The following BBX variants were observed in gnomAD, a reference collection of about 807,000 sequenced individuals.
BBX encodes BBX high mobility group box domain containing.
Under a neutral mutation model 100.2 loss-of-function variants are expected in BBX, and 30 were observed. The observed-to-expected ratio is 0.30, with a 90% CI of 0.22 to 0.41. The LOEUF is 0.41. BBX is among the 10% of genes least tolerant of loss of function. The pLI, the probability that BBX is intolerant of heterozygous loss-of-function variation, is 1.00. For missense variants in BBX, 1,023 were observed against 1,129.8 expected (o/e 0.91, Z 1.35); for synonymous variants, 376 against 388.1 (o/e 0.97, Z 0.37).
At chr3:107,719,383 AAG>A (rs2062360788) in intron 5 of BBX, among the ~76,000 whole-genome samples, 1 of 151,974 alleles carries the variant, frequency 6.6e-6, no homozygotes, top group African/African-American at 2.4e-5. Context: ...TTGTTTTTAA[AAG>A]AAGTATATTT....
chr3:107,697,788 C>T (rs1031455567), intron 3 of BBX, among the ~76,000 whole-genome samples: 27 of 151,946 alleles, frequency 1.8e-4, no homozygotes, highest in Admixed American at 6.5e-4. Context: ...GGGCGCCCCT[C>T]CCCCAGCCTC....
intron 2 of BBX, among the ~76,000 whole-genome samples, chr3:107,529,268 T>G (rs2047991351): frequency 1.3e-5 from 2 of 152,238 alleles, no homozygotes; most frequent in Non-Finnish European, 2.9e-5. Context: ...AGGAAGATGC[T>G]TTTCTTGAAC....
intron 2 of BBX, among the ~76,000 whole-genome samples, chr3:107,528,643 A>G (rs912074543): frequency 1.3e-5 from 2 of 152,246 alleles, no homozygotes; most frequent in African/African-American, 4.8e-5. Context: ...ATTCATGTAG[A>G]CATTGAATTT....
At chr3:107,669,635 CTATAGTTATCT>C (rs1302084263) in intron 3 of BBX, among the ~76,000 whole-genome samples, 3 of 152,008 alleles carry the variant, frequency 2.0e-5, no homozygotes, top group Non-Finnish European at 4.4e-5. Context: ...TTAGAAACTG[CTATAGTTATCT>C]CTTGGGTTGA....
At chr3:107,634,910 T>C (rs1207844566) in intron 2 of BBX, among the ~76,000 whole-genome samples, 1 of 152,228 alleles carries the variant, frequency 6.6e-6, no homozygotes, top group Non-Finnish European at 1.5e-5. Flanking sequence ...TTGTCTGGAA[T>C]CTGAGTAATG....
intron 4 of BBX, 71 bp from the exon 5 acceptor site, chr3:107,716,536 C>G (rs1296364166): frequency 5.1e-6 from 8 of 1,553,934 alleles, no homozygotes; most frequent in Non-Finnish European, 7.0e-6. Flanking sequence ...AATTTGCAAA[C>G]CAAGACTAAC....
chr3:107,698,094 A>T (rs976094262), intron 3 of BBX, among the ~76,000 whole-genome samples: 1 of 151,562 alleles, frequency 6.6e-6, no homozygotes, highest in Non-Finnish European at 1.5e-5. Context: ...GCGCCCACTG[A>T]ATGGCACTCC....
intron 3 of BBX, among the ~76,000 whole-genome samples, chr3:107,709,710 G>C (rs1206933909): frequency 6.6e-6 from 1 of 152,218 alleles, no homozygotes; most frequent in East Asian, 1.9e-4. Flanking sequence ...ACATGATGGA[G>C]AGGGCAAACC....
chr3:107,753,776 A>G (rs917673211), intron 9 of BBX, among the ~76,000 whole-genome samples: 2 of 152,232 alleles, frequency 1.3e-5, no homozygotes, highest in African/African-American at 4.8e-5. Context: ...GTGGTCCTTC[A>G]GTAATTCTTG....
At chr3:107,543,139 ATAACT>A (rs1339475233) in intron 2 of BBX, among the ~76,000 whole-genome samples, 1 of 152,238 alleles carries the variant, frequency 6.6e-6, no homozygotes, top group Non-Finnish European at 1.5e-5. Context: ...TTGGATTCAG[ATAACT>A]TAAATCCAAA....
Position 107,801,159 on chromosome 3 carries a change from C to T in BBX, c.2616C>T (p.Asp872=), listed in dbSNP as rs1455578293. 1 of 1,614,102 alleles carries T rather than the reference C, an allele frequency of 6.2e-7. No homozygotes were observed. Among genetic ancestry groups the T allele is most frequent in the Non-Finnish European group, 8.5e-7 (1 of 1,180,042 alleles). ...LPKATETDCN[D]KCSHNTEVGE... is the part of the protein sequence containing the mutation. The stretch of plus-strand genomic sequence containing the variant: ...AAGCAACTGAGACAGACTGCAATGA[C>T]AAATGCTCACACAACACCGAGGTCG... Residue 872 remains aspartate, a synonymous_variant, in exon 17 of 18, where the codon GAC becomes GAT. Coordinates refer to ENST00000325805, the MANE Select transcript of BBX (RefSeq NM_001142568.3).
At chr3:107,555,655 G>A (rs1431801790) in intron 2 of BBX, among the ~76,000 whole-genome samples, 1 of 152,166 alleles carries the variant, frequency 6.6e-6, no homozygotes, top group Non-Finnish European at 1.5e-5. Flanking sequence ...CCCAAGGAAA[G>A]GCATCTGTAA....
intron 2 of BBX, among the ~76,000 whole-genome samples, chr3:107,608,639 G>T (rs537377171): frequency 6.6e-6 from 1 of 152,096 alleles, no homozygotes; most frequent in Non-Finnish European, 1.5e-5. Flanking sequence ...TATTCAATCC[G>T]TAGATTGCTT....
rs137929984 is a variant in BBX at position 107,674,128 on chromosome 3, G to C, written c.-10+28219G>C. 8.0e-3 allele frequency among the ~76,000 whole-genome samples: 1,214 copies of C among 152,214 alleles called. 8 individuals are homozygous for C. Among genetic ancestry groups the C allele is most frequent in the South Asian group, 0.034 (166 of 4,818 alleles). On this transcript the variant is annotated intron_variant, in intron 3 of 17. Transcript: ENST00000325805. ...AAAAGAACGTGTCAGTAAATCATCT[G>C]TAGTCCCTTAAAAATTGGAAATACA...
intron 2 of BBX, among the ~76,000 whole-genome samples, chr3:107,584,128 ATT>A (rs1559840331): frequency 0.013 from 385 of 29,354 alleles, 87 homozygotes; most frequent in African/African-American, 0.068. Context: ...TAATATATAT[ATT>A]ATTATATATA....
intron 6 of BBX, among the ~76,000 whole-genome samples, chr3:107,729,178 T>C (rs1576535789): frequency 6.6e-6 from 1 of 152,290 alleles, no homozygotes; most frequent in East Asian, 1.9e-4. Flanking sequence ...ATTATAAATA[T>C]ATGTGAATTC....
At chr3:107,800,619 T>A (rs1436989302) in intron 16 of BBX, among the ~76,000 whole-genome samples, 1 of 152,184 alleles carries the variant, frequency 6.6e-6, no homozygotes, top group Non-Finnish European at 1.5e-5. Context: ...TTAGAACTGG[T>A]TAATGTGCTG....
chr3:107,576,652 A>G (rs1271976068), intron 2 of BBX, among the ~76,000 whole-genome samples: 1 of 152,136 alleles, frequency 6.6e-6, no homozygotes, highest in South Asian at 2.1e-4. Context: ...TTGTGATGCA[A>G]ATTTACTTTT....
At chr3:107,585,602 C>G (rs1423733673) in intron 2 of BBX, among the ~76,000 whole-genome samples, 3 of 152,020 alleles carry the variant, frequency 2.0e-5, no homozygotes, top group Non-Finnish European at 2.9e-5. Flanking sequence ...CTCAATATAC[C>G]AAAAATACTA....
Sources: gnomAD v4.1 joint callset for allele counts (sites outside exome capture counted in the v4.1 genomes callset) on GRCh38, gnomAD v4.1.1 for gene constraint, MANE v1.5 for transcripts, NCBI Gene and HGNC (gene_info 2026-07-23, HGNC 2026-07-21) for gene names.